The following CNTNAP2 variants were observed in gnomAD, a reference collection of about 807,000 sequenced individuals.
CNTNAP2 encodes contactin associated protein 2, also known as contactin-associated protein-like 2.
A neutral mutation model predicts 155.2 loss-of-function variants in CNTNAP2; 98 were observed. The observed-to-expected ratio is 0.63, with a 90% CI of 0.54 to 0.75. The LOEUF (loss-of-function observed/expected upper bound fraction) is 0.75, where lower values mean the gene tolerates loss of function less well. CNTNAP2 is among the 30% of genes least tolerant of loss of function. The pLI is 0.00. For missense variants in CNTNAP2, 1,727 were observed against 1,688.1 expected (o/e 1.02, Z -0.40); for synonymous variants, 651 against 631.2 (o/e 1.03, Z -0.47).
chr7:147,556,414 G>A (rs1210655667), intron 11 of CNTNAP2, among the ~76,000 whole-genome samples: 1 of 152,144 alleles, frequency 6.6e-6, no homozygotes. Context: ...CATGGAACCA[G>A]TGAATATGTA....
chr7:146,774,973 A>G (rs916966715), intron 2 of CNTNAP2, among the ~76,000 whole-genome samples: 1 of 152,202 alleles, frequency 6.6e-6, no homozygotes, highest in Non-Finnish European at 1.5e-5. Flanking sequence ...TGAGAGTAAA[A>G]GAACATAATT....
intron 3 of CNTNAP2, among the ~76,000 whole-genome samples, chr7:147,033,162 A>G (rs1408881305): frequency 0.018 from 190 of 10,784 alleles, 3 homozygotes; most frequent in African/African-American, 0.081. Flanking sequence ...ATATATATGT[A>G]TATATATATA....
intron 21 of CNTNAP2, among the ~76,000 whole-genome samples, chr7:148,300,824 T>A (rs1449534136): frequency 6.6e-6 from 1 of 152,150 alleles, no homozygotes. Context: ...GTTGAAATCA[T>A]AGACACAGAA....
intron 1 of CNTNAP2, among the ~76,000 whole-genome samples, chr7:146,532,855 C>T (rs801937): frequency 0.028 from 4,315 of 151,790 alleles, 203 homozygotes; most frequent in African/African-American, 0.098. Flanking sequence ...GAGGCCGAGG[C>T]GGGCGGATCA....
intron 2 of CNTNAP2, among the ~76,000 whole-genome samples, chr7:146,805,252 G>T (rs1359589114): frequency 6.6e-6 from 1 of 152,272 alleles, no homozygotes; most frequent in South Asian, 2.1e-4. Flanking sequence ...TACATGGCCC[G>T]CATTCCTTGA....
At chr7:147,839,577 A>G (rs1333516938) in intron 13 of CNTNAP2, among the ~76,000 whole-genome samples, 1 of 152,086 alleles carries the variant, frequency 6.6e-6, no homozygotes, top group African/African-American at 2.4e-5. Flanking sequence ...TTTTCACAGA[A>G]TAATTCTTTG....
chr7:146,917,891 C>T (rs1042196909), intron 3 of CNTNAP2, among the ~76,000 whole-genome samples: 9 of 152,168 alleles, frequency 5.9e-5, no homozygotes, highest in Admixed American at 2.0e-4. Context: ...TTTCTTTCCA[C>T]GTTACCCAGT....
intron 21 of CNTNAP2, among the ~76,000 whole-genome samples, chr7:148,306,970 C>T (rs1797501902): frequency 1.3e-5 from 2 of 152,090 alleles, no homozygotes; most frequent in South Asian, 4.1e-4. Context: ...GTTGTTTCAT[C>T]GGGAAGCCCC....
chr7:147,297,593 C>T (rs760914452), intron 8 of CNTNAP2, among the ~76,000 whole-genome samples: 2 of 152,282 alleles, frequency 1.3e-5, no homozygotes, highest in South Asian at 4.1e-4. Context: ...AGATAATTCA[C>T]ACGAGGCATT....
chr7:146,647,195 A>C (rs2129162813), intron 1 of CNTNAP2, among the ~76,000 whole-genome samples: 2 of 152,284 alleles, frequency 1.3e-5, no homozygotes, highest in Middle Eastern at 6.8e-3. Flanking sequence ...ACAGCATCTC[A>C]GTCCAAATTG....
chr7:147,635,413 C>T (rs1367342507), intron 12 of CNTNAP2, among the ~76,000 whole-genome samples: 1 of 151,928 alleles, frequency 6.6e-6, no homozygotes, highest in East Asian at 1.9e-4. Flanking sequence ...CATGAGCCAC[C>T]ACACCCTGCC....
chr7:147,864,936 T>G (rs1239009927), intron 13 of CNTNAP2, among the ~76,000 whole-genome samples: 1 of 152,188 alleles, frequency 6.6e-6, no homozygotes, highest in Non-Finnish European at 1.5e-5. Flanking sequence ...CCTGCCTGAT[T>G]GCCCTGGCCA....
At chr7:147,918,629 A>C (rs1384344888) in intron 14 of CNTNAP2, among the ~76,000 whole-genome samples, 1 of 152,168 alleles carries the variant, frequency 6.6e-6, no homozygotes, top group African/African-American at 2.4e-5. Flanking sequence ...GGCTAATTTA[A>C]TGCCCGGTAT....
chr7:147,591,844 TACA>T (rs66805909), intron 12 of CNTNAP2, among the ~76,000 whole-genome samples: 3,017 of 152,312 alleles, frequency 0.02, 96 homozygotes, highest in African/African-American at 0.069. Context: ...TGCTGTCAGC[TACA>T]ACAATAGTAA....
At chr7:146,222,658 A>ATTT (rs11461655) in intron 1 of CNTNAP2, among the ~76,000 whole-genome samples, 6 of 138,806 alleles carry the variant, frequency 4.3e-5, no homozygotes, top group South Asian at 2.3e-4. Context: ...GAAAAGGTAA[A>ATTT]TTTTTTTTTT....
chr7:146,734,532 C>A (rs1801578887), intron 1 of CNTNAP2, among the ~76,000 whole-genome samples: 1 of 152,086 alleles, frequency 6.6e-6, no homozygotes, highest in Non-Finnish European at 1.5e-5. Context: ...CTAGAACTGA[C>A]TGTAGGTGTC....
chr7:148,211,752 A>G (rs1169957249), intron 18 of CNTNAP2, among the ~76,000 whole-genome samples: 1 of 152,214 alleles, frequency 6.6e-6, no homozygotes, highest in Non-Finnish European at 1.5e-5. Context: ...AATTACTAAT[A>G]TACAGTGGCA....
At chr7:148,075,234 C>G (rs1441584782) in intron 15 of CNTNAP2, among the ~76,000 whole-genome samples, 1 of 152,096 alleles carries the variant, frequency 6.6e-6, no homozygotes, top group Non-Finnish European at 1.5e-5. Context: ...GTTAGGAGTT[C>G]AAGATCAGCC....
chr7:146,245,937 C>A (rs1312286919), intron 1 of CNTNAP2, among the ~76,000 whole-genome samples: 2 of 124,394 alleles, frequency 1.6e-5, no homozygotes, highest in Non-Finnish European at 3.0e-5. Context: ...GGGTTTGGCA[C>A]CATGAGGTGG....
Sources: gnomAD v4.1 joint callset for allele counts (sites outside exome capture counted in the v4.1 genomes callset) on GRCh38, gnomAD v4.1.1 for gene constraint, MANE v1.5 for transcripts, NCBI Gene and HGNC (gene_info 2026-07-23, HGNC 2026-07-21) for gene names.